CTNNA3: variants seen among roughly 807,000 people sequenced by gnomAD.
CTNNA3 encodes the protein catenin alpha-3.
A neutral mutation model predicts 95.7 loss-of-function variants in CTNNA3; 76 were observed. That is an observed-to-expected ratio of 0.79 (90% CI 0.66 to 0.96). CTNNA3 has a LOEUF of 0.96. Among genes scored for constraint, CTNNA3 ranks in the 40% least tolerant of loss-of-function variants. The pLI is 0.00. For missense variants in CTNNA3, 1,191 were observed against 1,089.8 expected (o/e 1.09, Z -1.31); for synonymous variants, 431 against 374.4 (o/e 1.15, Z -1.74).
chr10:66,278,818 T>C (rs536402171), intron 13 of CTNNA3, among the ~76,000 whole-genome samples: 1 of 152,240 alleles, frequency 6.6e-6, no homozygotes, highest in African/African-American at 2.4e-5. Context: ...GACTATATCC[T>C]GAAGTTCATG....
chr10:66,324,527 T>C (rs1218264812), intron 12 of CTNNA3, among the ~76,000 whole-genome samples: 3 of 152,046 alleles, frequency 2.0e-5, no homozygotes, highest in Non-Finnish European at 4.4e-5. Flanking sequence ...ATTGTAACAC[T>C]GGGGTTGCAG....
At chr10:67,105,903 A>AT (rs1350163543) in intron 7 of CTNNA3, among the ~76,000 whole-genome samples, 13 of 152,208 alleles carry the variant, frequency 8.5e-5, no homozygotes, top group African/African-American at 3.1e-4. Context: ...TGATGTCAAC[A>AT]TTTTTCCGCC....
At chr10:66,872,557 T>C (rs1235118327) in intron 7 of CTNNA3, among the ~76,000 whole-genome samples, 2 of 151,962 alleles carry the variant, frequency 1.3e-5, no homozygotes, top group Non-Finnish European at 2.9e-5. Flanking sequence ...TAATCCCAGC[T>C]ACTCAGGAGG....
At chr10:66,590,435 A>G (rs1350919404) in intron 10 of CTNNA3, among the ~76,000 whole-genome samples, 1 of 152,134 alleles carries the variant, frequency 6.6e-6, no homozygotes, top group African/African-American at 2.4e-5. Flanking sequence ...TTTTGAGACA[A>G]AAGTGAAATT....
At chr10:67,333,184 C>CCACTTGTTCATGATGAATGACCTTTTT (rs1841864084) in intron 5 of CTNNA3, among the ~76,000 whole-genome samples, 1 of 152,184 alleles carries the variant, frequency 6.6e-6, no homozygotes, top group South Asian at 2.1e-4. Flanking sequence ...AGGAAACAAT[C>CCACTTGTTCATGATGAATGACCTTTTT]AGTTATGTAT....
intron 11 of CTNNA3, among the ~76,000 whole-genome samples, chr10:66,389,165 G>A (rs1398549074): frequency 1.3e-5 from 2 of 151,948 alleles, no homozygotes; most frequent in Non-Finnish European, 2.9e-5. Context: ...GATGGAATGG[G>A]TTTACTCTTT....
At chr10:67,130,748 A>T (rs1589772825) in intron 7 of CTNNA3, among the ~76,000 whole-genome samples, 1 of 152,224 alleles carries the variant, frequency 6.6e-6, no homozygotes, top group East Asian at 1.9e-4. Context: ...AGCTTGGAGC[A>T]TCAATGGGTC....
intron 3 of CTNNA3, among the ~76,000 whole-genome samples, chr10:67,601,114 T>C (rs1485930544): frequency 6.6e-6 from 1 of 152,200 alleles, no homozygotes; most frequent in Non-Finnish European, 1.5e-5. Context: ...TATGTGGATA[T>C]GTATTGTTGT....
chr10:66,852,926 C>T (rs907997203), intron 7 of CTNNA3, among the ~76,000 whole-genome samples: 11 of 152,066 alleles, frequency 7.2e-5, no homozygotes, highest in Non-Finnish European at 1.3e-4. Context: ...TCATAATTCT[C>T]TTAAGAAAAT....
intron 9 of CTNNA3, among the ~76,000 whole-genome samples, chr10:66,720,155 A>G (rs182588627): frequency 1.1e-3 from 170 of 152,192 alleles, no homozygotes; most frequent in African/African-American, 4.0e-3. Context: ...AATATTGGAA[A>G]GACCTTCTCT....
At chr10:66,048,332 A>G (rs2079873546) in intron 15 of CTNNA3, among the ~76,000 whole-genome samples, 1 of 152,144 alleles carries the variant, frequency 6.6e-6, no homozygotes, top group Non-Finnish European at 1.5e-5. Flanking sequence ...CACATCTACA[A>G]CCATCTGATC....
intron 15 of CTNNA3, among the ~76,000 whole-genome samples, chr10:65,989,562 T>C (rs1192775530): frequency 6.6e-6 from 1 of 152,008 alleles, no homozygotes; most frequent in Non-Finnish European, 1.5e-5. Context: ...GTTGCTATAT[T>C]TTAGTTACTT....
chr10:65,940,264 T>A (rs1237165394), intron 17 of CTNNA3, among the ~76,000 whole-genome samples: 6 of 152,158 alleles, frequency 3.9e-5, no homozygotes, highest in African/African-American at 1.4e-4. Flanking sequence ...TACTAGTCAA[T>A]ATTGTTTCAT....
At chr10:66,685,308 T>TATAC (rs1847236062) in intron 9 of CTNNA3, among the ~76,000 whole-genome samples, 3 of 45,782 alleles carry the variant, frequency 6.6e-5, no homozygotes, top group African/African-American at 4.2e-4. Flanking sequence ...TGTATATATA[T>TATAC]GTGTGTGTGT....
chr10:67,021,957 A>G (rs895786298), intron 7 of CTNNA3, among the ~76,000 whole-genome samples: 1 of 152,166 alleles, frequency 6.6e-6, no homozygotes, highest in African/African-American at 2.4e-5. Context: ...AGTAAACTAA[A>G]AAGGTTTATT....
Position 66,870,789 on chromosome 10 carries a change from C to T in CTNNA3, c.1048-95265G>A, listed in dbSNP as rs568477666. 2.6e-5 allele frequency among the ~76,000 whole-genome samples: 4 copies of T among 152,206 alleles called. No homozygotes were observed. In the South Asian group the frequency reaches 6.2e-4, roughly 24 times the overall value. On this transcript the variant is annotated intron_variant, in intron 7 of 17. Transcript: ENST00000433211. Reference sequence around the variant, plus strand: ...TGTGCAGTTCAAATTTTTTCCTTTGCTGCACATTTGTTTATGATTTTCTTT... The same window carrying T: ...TGTGCAGTTCAAATTTTTTCCTTTGTTGCACATTTGTTTATGATTTTCTTT...
rs184268212 is a variant in CTNNA3 at position 67,543,592 on chromosome 10, T to A, written c.293-3923A>T. On this transcript the variant is annotated intron_variant, in intron 3 of 17. Coordinates refer to ENST00000433211, the MANE Select transcript of CTNNA3 (RefSeq NM_013266.4). ...AATGAAAAGGGGCAGGTACTAAAGA[T>A]AAAAAACTTCCCAAACTTTTACTTG... Among the ~76,000 whole-genome samples, 1,449 of 152,198 alleles carry A rather than the reference T, an allele frequency of 9.5e-3. 10 individuals are homozygous for A. The highest frequency in any genetic ancestry group is 0.014 in the Non-Finnish European group (983 of 67,978).
intron 2 of CTNNA3, among the ~76,000 whole-genome samples, chr10:67,607,497 G>T (rs57817239): frequency 1.3e-5 from 2 of 152,044 alleles, no homozygotes; most frequent in Non-Finnish European, 2.9e-5. Context: ...GGTTGGTCTT[G>T]CTGCCTTGGG....
At chr10:66,657,785 G>T (rs1846119386) in intron 9 of CTNNA3, among the ~76,000 whole-genome samples, 1 of 152,092 alleles carries the variant, frequency 6.6e-6, no homozygotes, top group African/African-American at 2.4e-5. Context: ...TTTCTTACCT[G>T]AAAATCAGAT....
Sources: allele counts gnomAD v4.1 joint callset (sites outside exome capture counted in the v4.1 genomes callset), GRCh38; gene constraint gnomAD v4.1.1; transcripts MANE v1.5; gene names NCBI Gene and HGNC (gene_info 2026-07-23, HGNC 2026-07-21).